UNC5C: variants seen among roughly 807,000 people sequenced by gnomAD.
UNC5C encodes the protein unc-5 netrin receptor C, also known as netrin receptor UNC5C.
A neutral mutation model predicts 99.8 loss-of-function variants in UNC5C; 47 were observed. The observed-to-expected ratio is 0.47, with a 90% CI of 0.37 to 0.60. The LOEUF (loss-of-function observed/expected upper bound fraction) is 0.60, where lower values mean the gene tolerates loss of function less well. Ranked by LOEUF, UNC5C falls within the 20% of genes least tolerant of loss-of-function variation. The pLI is 0.00. For missense variants in UNC5C, 1,062 were observed against 1,165.9 expected (o/e 0.91, Z 1.30); for synonymous variants, 487 against 452.2 (o/e 1.08, Z -0.98).
chr4:95,171,469 G>A (rs143934792), intron 14 of UNC5C, among the ~76,000 whole-genome samples: 37 of 146,846 alleles, frequency 2.5e-4, no homozygotes, highest in East Asian at 2.0e-3. Context: ...CAATTCCCCC[G>A]TGAGTGAGAA....
intron 7 of UNC5C, among the ~76,000 whole-genome samples, chr4:95,228,959 C>G (rs186071889): frequency 8.5e-5 from 13 of 152,140 alleles, no homozygotes; most frequent in African/African-American, 2.7e-4. Flanking sequence ...GACTGGGGAG[C>G]CTTGCTAGAG....
chr4:95,340,983 A>T (rs977269188), intron 1 of UNC5C, among the ~76,000 whole-genome samples: 3 of 152,110 alleles, frequency 2.0e-5, no homozygotes, highest in Non-Finnish European at 4.4e-5. Context: ...TGCTTACCAA[A>T]TTAGCTAAAA....
At chr4:95,186,170 G>A (rs1736821397) in intron 12 of UNC5C, among the ~76,000 whole-genome samples, 1 of 152,110 alleles carries the variant, frequency 6.6e-6, no homozygotes. Flanking sequence ...TGCCTTAAAA[G>A]TTTTAATGGT....
rs1318946172 is a variant in UNC5C, at chr4:95,548,903, G to C, written c.-46C>G. 3.7e-6 allele frequency: 6 copies of C among 1,607,180 alleles called. No individual in the cohort carries two copies. The highest frequency in any genetic ancestry group is 3.3e-5 in the Admixed American group (2 of 59,794). On this transcript the variant is annotated 5_prime_UTR_variant, in exon 1 of 16. Coordinates refer to ENST00000453304, the MANE Select transcript of UNC5C (RefSeq NM_003728.4). ...GGGGAGGGGAGGGGGACAGAGAGAC[G>C]CGCAAACAGCTGAAAGCCCCACTGG...
chr4:95,166,845 T>C lies in UNC5C; in HGVS notation c.*2389A>G, dbSNP rs569668614. On this transcript the variant is annotated 3_prime_UTR_variant, in exon 16 of 16. Coordinates refer to ENST00000453304, the MANE Select transcript of UNC5C (RefSeq NM_003728.4). ...GCGTGTATATATATTTGATTTTTAATTTAGAATACAGTTTTACTCATTGCT... is the reference window on the plus strand; with the variant it reads ...GCGTGTATATATATTTGATTTTTAACTTAGAATACAGTTTTACTCATTGCT... The C allele has an allele frequency of 6.6e-6, 1 of 152,314 alleles. No homozygotes were observed. The highest frequency in any genetic ancestry group is 1.9e-4 in the East Asian group (1 of 5,186). The allele number at this position is 152,314 out of a possible 1,614,324, so 9.4% of individuals were successfully genotyped here.
chr4:95,312,690 T>C (rs1436782557), intron 2 of UNC5C, among the ~76,000 whole-genome samples: 2 of 152,200 alleles, frequency 1.3e-5, no homozygotes, highest in Admixed American at 6.5e-5. Flanking sequence ...TTCCTGAAAC[T>C]ATGTCTCAGA....
Position 95,250,779 on chromosome 4 carries a change from A to G in UNC5C, c.595-112T>C. 2.8e-6 allele frequency: 3 copies of G among 1,078,330 alleles called. No homozygotes were observed. In the East Asian group the frequency reaches 7.2e-5, roughly 26 times the overall value. The allele number at this position is 1,078,330 out of a possible 1,614,324, so 66.8% of individuals were successfully genotyped here. ...CTTAGCCAAAAGGCCGAGAAGCGAT[A>G]CCTGTGTTTTGTAATATGTACAATG... On this transcript the variant is annotated intron_variant, in intron 4 of 15. Coordinates refer to ENST00000453304, the MANE Select transcript of UNC5C (RefSeq NM_003728.4).
rs146218271 is a variant in UNC5C, at chr4:95,543,857, T to C, written c.124+4877A>G. On this transcript the variant is annotated intron_variant, in intron 1 of 15. Coordinates refer to ENST00000453304, the MANE Select transcript of UNC5C (RefSeq NM_003728.4). The stretch of plus-strand genomic sequence containing the variant: ...GAGAACAGAAGGGAAGAAAAGAGAC[T>C]GTGGAAGGGAATGAGATTCCCACAG... Among the ~76,000 whole-genome samples the C allele has an allele frequency of 8.0e-3, 1,220 of 152,282 alleles. 15 individuals carry two copies. Among genetic ancestry groups the C allele is most frequent in the African/African-American group, 0.028 (1,151 of 41,560 alleles).
At chr4:95,478,841 C>G (rs1422828456) in intron 1 of UNC5C, among the ~76,000 whole-genome samples, 2 of 151,566 alleles carry the variant, frequency 1.3e-5, no homozygotes, top group Non-Finnish European at 2.9e-5. Flanking sequence ...GGGAGTGGAT[C>G]TCTCATCAAT....
intron 5 of UNC5C, chr4:95,248,504 A>C: frequency 2.2e-6 from 1 of 455,520 alleles, no homozygotes; most frequent in Admixed American, 2.4e-5. Context: ...TGAGGATAAG[A>C]ATGTTACTTT....
chr4:95,169,147 T>C lies in UNC5C; in HGVS notation c.*87A>G. ...GCCTGTGAAGTGCATTGGTCTCATC[T>C]GGATTTCCTCCTCAGCTGTGATTCA... On this transcript the variant is annotated 3_prime_UTR_variant, in exon 16 of 16. Coordinates refer to ENST00000453304, the MANE Select transcript of UNC5C (RefSeq NM_003728.4). 1 of 1,551,388 alleles carries C rather than the reference T, an allele frequency of 6.4e-7. No individual in the cohort carries two copies. The highest frequency in any genetic ancestry group is 2.3e-5 in the East Asian group (1 of 44,338).
chr4:95,184,279 A>G (rs138289863), intron 13 of UNC5C, among the ~76,000 whole-genome samples: 150 of 152,326 alleles, frequency 9.8e-4, no homozygotes, highest in African/African-American at 3.4e-3. Context: ...TGGAGCCAGA[A>G]TGTCTTCCCA....
At chr4:95,248,147 C>A (rs1292063523) in intron 5 of UNC5C, 1 of 168,484 alleles carries the variant, frequency 5.9e-6, no homozygotes, top group East Asian at 1.8e-4. Flanking sequence ...TTTCTCTTCT[C>A]ATAAACACAC....
At chr4:95,251,660 T>C (rs1739739090) in intron 4 of UNC5C, among the ~76,000 whole-genome samples, 1 of 152,160 alleles carries the variant, frequency 6.6e-6, no homozygotes, top group Non-Finnish European at 1.5e-5. Context: ...CCTTTTGCAT[T>C]AGGGTGAATG....
intron 1 of UNC5C, among the ~76,000 whole-genome samples, chr4:95,527,889 C>T (rs1440421611): frequency 6.6e-6 from 1 of 152,106 alleles, no homozygotes. Flanking sequence ...ATTCCTCCCA[C>T]ATTTTTGTTT....
rs1489988391 is a variant in UNC5C at position 95,473,359 on chromosome 4, T to A, written c.124+75375A>T. Among the ~76,000 whole-genome samples the A allele has an allele frequency of 2.1e-4, 32 of 152,274 alleles. 2 individuals are homozygous for A. Among genetic ancestry groups the A allele is most frequent in the Non-Finnish European group, 4.4e-4 (30 of 68,010 alleles). On this transcript the variant is annotated intron_variant, in intron 1 of 15. Transcript: ENST00000453304. ...CCTGTTTTATTTTTACATCTGTGAA[T>A]GGAAAGCTTAAGTTCCCACTTTGTA...
chr4:95,393,993 A>C, intron 1 of UNC5C, among the ~76,000 whole-genome samples: 1 of 152,122 alleles, frequency 6.6e-6, no homozygotes, highest in East Asian at 1.9e-4. Flanking sequence ...TCGTTTTATT[A>C]AGAAATGGAA....
chr4:95,449,575 C>A (rs1250024269), intron 1 of UNC5C, among the ~76,000 whole-genome samples: 3 of 152,246 alleles, frequency 2.0e-5, no homozygotes, highest in African/African-American at 7.2e-5. Context: ...TTCTTCAAGC[C>A]ATTGACAGGA....
At chr4:95,262,187 T>G (rs921622863) in intron 4 of UNC5C, among the ~76,000 whole-genome samples, 1 of 152,222 alleles carries the variant, frequency 6.6e-6, no homozygotes, top group Non-Finnish European at 1.5e-5. Context: ...CTGTAATAAC[T>G]GGGCGACAAA....
Sources: gnomAD v4.1 joint callset for allele counts (sites outside exome capture counted in the v4.1 genomes callset) on GRCh38, gnomAD v4.1.1 for gene constraint, MANE v1.5 for transcripts, NCBI Gene and HGNC (gene_info 2026-07-23, HGNC 2026-07-21) for gene names.